The following ATP2A1 variants were observed in gnomAD, a reference collection of about 807,000 sequenced individuals.
ATP2A1 encodes sarcoplasmic/endoplasmic reticulum calcium ATPase 1.
In ATP2A1, 83 loss-of-function variants were observed where a neutral mutation model predicts 109.5. The observed-to-expected ratio is 0.76, with a 90% CI of 0.63 to 0.91. ATP2A1 has a LOEUF of 0.91. Ranked by LOEUF, ATP2A1 falls within the 40% of genes least tolerant of loss-of-function variation. The pLI, the probability that ATP2A1 is intolerant of heterozygous loss-of-function variation, is 0.00. For missense variants in ATP2A1, 1,101 were observed against 1,341.0 expected (o/e 0.82, Z 2.80); for synonymous variants, 505 against 537.6 (o/e 0.94, Z 0.84).
intron 12 of ATP2A1, among the ~76,000 whole-genome samples, chr16:28,895,516 C>G (rs1248896366): frequency 6.6e-6 from 1 of 151,936 alleles, no homozygotes; most frequent in Admixed American, 6.6e-5. Flanking sequence ...ATGCTCATTG[C>G]TACTTTATTT....
At chr16:28,886,693 T>A (rs891462281) in intron 6 of ATP2A1, among the ~76,000 whole-genome samples, 1 of 151,614 alleles carries the variant, frequency 6.6e-6, no homozygotes. Flanking sequence ...GAGGTCTTTT[T>A]AAGAGCCGTG....
chr16:28,879,942 G>A, intron 3 of ATP2A1: 3 of 974,816 alleles, frequency 3.1e-6, no homozygotes, highest in Non-Finnish European at 3.7e-6. Context: ...GGCATGCGCC[G>A]GGCGGACGGC....
At position 28,883,666 on chromosome 16, in the gene ATP2A1, C is replaced by A. The variant is rs1369175410; in HGVS notation, c.464-909C>A. ...GGCATCCACCTCTCCAGCCCCCCGA[C>A]AAGGTGGTTTCCATGGCCTGCCAGC... On this transcript the variant is annotated intron_variant, in intron 5 of 22. Coordinates refer to ENST00000395503, the MANE Select transcript of ATP2A1 (RefSeq NM_004320.6). The surrounding 1 kb of genome is among the most constrained non-coding windows in gnomAD (Gnocchi z 5.2). 1.3e-5 allele frequency among the ~76,000 whole-genome samples: 2 copies of A among 152,146 alleles called. No individual in the cohort carries two copies. The highest frequency in any genetic ancestry group is 1.3e-4 in the Admixed American group (2 of 15,276).
rs1192141978 is a variant in ATP2A1, at chr16:28,878,534, G to GA, written c.-133dup. The GA allele has an allele frequency of 2.5e-6, 2 of 811,964 alleles. No individual in the cohort carries two copies. The highest frequency in any genetic ancestry group is 3.4e-5 in the African/African-American group (2 of 58,876). 50.3% of individuals were successfully genotyped at this position (811,964 alleles called of 1,614,324 possible). Reference sequence around the variant, plus strand: ...GGGGGTCAGAGCTTTGTGGAGGGAAGAAAAACCTGGAGGGGGCAGGAGAGT... The same window carrying GA: ...GGGGGTCAGAGCTTTGTGGAGGGAAGAAAAAACCTGGAGGGGGCAGGAGAGT... On this transcript the variant is annotated 5_prime_UTR_variant, in exon 1 of 23. Coordinates refer to ENST00000395503, the MANE Select transcript of ATP2A1 (RefSeq NM_004320.6).
intron 14 of ATP2A1, among the ~76,000 whole-genome samples, chr16:28,900,285 G>C (rs749505775): frequency 6.6e-6 from 1 of 151,724 alleles, no homozygotes; most frequent in Non-Finnish European, 1.5e-5. Context: ...CTCCAGCCTG[G>C]GTGACAGAGC....
At position 28,902,301 on chromosome 16, in the gene ATP2A1, C is replaced by A. The variant is rs1183506613; in HGVS notation, c.2439C>A (p.Asp813Glu). 2 of 1,614,148 alleles carry A rather than the reference C, an allele frequency of 1.2e-6. No individual in the cohort carries two copies. The highest frequency in any genetic ancestry group is 1.1e-5 in the South Asian group (1 of 91,074). ...PATALGFNPP[D>E]LDIMDRPPRS... is the part of the protein sequence containing the mutation. ...CAGCCCTGGGCTTCAACCCACCAGA[C>A]CTGGACATCATGGACCGCCCCCCCC... Residue 813 changes from aspartate (D) to glutamate (E), a missense_variant, in exon 17 of 23, where the codon GAC becomes GAA. Asp to Glu is a conservative substitution (Grantham distance 45). Coordinates refer to ENST00000395503, the MANE Select transcript of ATP2A1 (RefSeq NM_004320.6). This position sits in a 1 kb window ranked among gnomAD's most constrained non-coding sequence, Gnocchi z 4.8.
chr16:28,894,329 TCTC>T (rs1643779439), intron 10 of ATP2A1, 86 bp downstream of exon 10: 9 of 1,424,936 alleles, frequency 6.3e-6, no homozygotes, highest in African/African-American at 1.4e-5. Context: ...GTGGTTTTGC[TCTC>T]CTTTCACTCT....
chr16:28,894,544 C>T lies in ATP2A1; in HGVS notation c.1224C>T (p.Asp408=), dbSNP rs143812356. Reference sequence around the variant, plus strand: ...AGCCAGTCCGGCCAGGGCAGTATGACGGGCTGGTGGAGCTGGCCACCATCT... The same window carrying T: ...AGCCAGTCCGGCCAGGGCAGTATGATGGGCTGGTGGAGCTGGCCACCATCT... ...NDKPVRPGQY[D]GLVELATICA... Residue 408 remains aspartate (D), a synonymous_variant, in exon 11 of 23, where the codon GAC becomes GAT. Coordinates refer to ENST00000395503, the MANE Select transcript of ATP2A1 (RefSeq NM_004320.6). The T allele has an allele frequency of 1.4e-5, 23 of 1,614,032 alleles. No individual in the cohort carries two copies. The highest frequency in any genetic ancestry group is 4.4e-5 in the South Asian group (4 of 91,088).
intron 9 of ATP2A1, among the ~76,000 whole-genome samples, chr16:28,892,978 A>G (rs1963815074): frequency 6.6e-6 from 1 of 151,632 alleles, no homozygotes; most frequent in African/African-American, 2.4e-5. Context: ...CAGGAGGCGG[A>G]GGTTGCAGTT....
rs1031985042 is a variant in ATP2A1, at chr16:28,894,962, G to GC, written c.1419+10dup. 1.2e-6 allele frequency: 2 copies of GC among 1,610,402 alleles called. No individual in the cohort carries two copies. Among genetic ancestry groups the GC allele is most frequent in the African/African-American group, 2.7e-5 (2 of 75,050 alleles). ...CCAACGCCTGCAACTCGGTGAGCCT[G>GC]CGGAGCCCCTGCCACAGGGCCGTCT... On this transcript the variant is annotated intron_variant, in intron 12 of 22. Coordinates refer to ENST00000395503, the MANE Select transcript of ATP2A1 (RefSeq NM_004320.6).
Position 28,898,521 on chromosome 16 carries a change from C to T in ATP2A1, c.1764+70C>T. On this transcript the variant is annotated intron_variant, in intron 14 of 22. Transcript: ENST00000395503. The surrounding 1 kb of genome is among the most constrained non-coding windows in gnomAD (Gnocchi z 4.0). ...CCGGGTCCCAGCCATCCACTCACAGCTCCACCACCCGGATCATTTCCTACC... is the reference window on the plus strand; with the variant it reads ...CCGGGTCCCAGCCATCCACTCACAGTTCCACCACCCGGATCATTTCCTACC... 1 of 1,497,076 alleles carries T rather than the reference C, an allele frequency of 6.7e-7. No homozygotes were observed. Among genetic ancestry groups the T allele is most frequent in the Non-Finnish European group, 9.1e-7 (1 of 1,095,158 alleles). 92.7% of individuals were successfully genotyped at this position (1,497,076 alleles called of 1,614,324 possible). A position where few individuals can be genotyped will look rare whatever the true frequency, so the allele number is the denominator to read the frequency against.
In ATP2A1 at chr16:28,898,368, T is replaced by A; in HGVS notation, c.1681T>A (p.Cys561Ser). ...EWGTGRDTLRCLALATRDTPP... is the reference protein window; with the variant it reads ...EWGTGRDTLRSLALATRDTPP... Reference sequence around the variant, plus strand: ...GGGCACTGGCCGGGACACCCTGCGCTGCTTGGCCCTGGCCACCCGGGACAC... The same window carrying A: ...GGGCACTGGCCGGGACACCCTGCGCAGCTTGGCCCTGGCCACCCGGGACAC... The change falls in exon 14 of 23, where the codon TGC becomes AGC. Residue 561 changes from cysteine to serine, a missense_variant. By Grantham distance (112) the Cys-to-Ser change is moderately radical. Coordinates refer to ENST00000395503, the MANE Select transcript of ATP2A1 (RefSeq NM_004320.6). The surrounding 1 kb of genome is among the most constrained non-coding windows in gnomAD (Gnocchi z 4.0). 2 of 1,614,174 alleles carry A rather than the reference T, an allele frequency of 1.2e-6. No homozygotes were observed. The highest frequency in any genetic ancestry group is 1.7e-6 in the Non-Finnish European group (2 of 1,180,022).
intron 9 of ATP2A1, among the ~76,000 whole-genome samples, chr16:28,889,345 C>T (rs1278337318): frequency 6.6e-6 from 1 of 152,092 alleles, no homozygotes; most frequent in East Asian, 1.9e-4. Context: ...CAACCTCTGC[C>T]TCCCGGGTTC....
intron 6 of ATP2A1, among the ~76,000 whole-genome samples, chr16:28,885,345 A>G (rs1230240087): frequency 6.6e-6 from 1 of 151,188 alleles, no homozygotes; most frequent in Non-Finnish European, 1.5e-5. Flanking sequence ...GCACTGCTTG[A>G]CATTTTCTTT....
intron 15 of ATP2A1, 50 bp downstream of exon 15, chr16:28,900,966 A>C: frequency 6.2e-7 from 1 of 1,608,356 alleles, no homozygotes; most frequent in Non-Finnish European, 8.5e-7. Flanking sequence ...AGATGACCAG[A>C]TGACTGTGCT....
rs1038707691 is a variant in ATP2A1 at position 28,880,084 on chromosome 16, C to T, written c.219+501C>T. ...GCGGTGTGATGATGACTCCAAGGAG[C>T]CCGGCGCCCGGTCAGGGAGGGCACT... On this transcript the variant is annotated intron_variant, in intron 3 of 22. Transcript: ENST00000395503. The surrounding 1 kb of genome is among the most constrained non-coding windows in gnomAD (Gnocchi z 4.2). 5.0e-6 allele frequency: 5 copies of T among 997,696 alleles called. No homozygotes were observed. The highest frequency in any genetic ancestry group is 4.8e-6 in the Non-Finnish European group (4 of 839,678). The allele number at this position is 997,696 out of a possible 1,614,324, so 61.8% of individuals were successfully genotyped here.
chr16:28,887,742 C>T lies in ATP2A1; in HGVS notation c.928+20C>T. On this transcript the variant is annotated intron_variant, in intron 8 of 22. Transcript: ENST00000395503. ...CCGAAGGTATGAAAGCCTTTCTTTTCTCCTCCCATTTGCTAATCCCATCTG... is the reference window on the plus strand; with the variant it reads ...CCGAAGGTATGAAAGCCTTTCTTTTTTCCTCCCATTTGCTAATCCCATCTG... The T allele has an allele frequency of 6.2e-7, 1 of 1,612,748 alleles. No individual in the cohort carries two copies. Among genetic ancestry groups the T allele is most frequent in the Non-Finnish European group, 8.5e-7 (1 of 1,179,474 alleles).
chr16:28,902,019 A>G lies in ATP2A1; in HGVS notation c.2257A>G (p.Ile753Val). The G allele has an allele frequency of 6.2e-7, 1 of 1,614,232 alleles. No individual in the cohort carries two copies. Among genetic ancestry groups the G allele is most frequent in the Non-Finnish European group, 8.5e-7 (1 of 1,180,040 alleles). ...AGCTGCTGTGGAGGAGGGCCGCGCC[A>G]TCTACAACAACATGAAGCAGTTCAT... ...IVAAVEEGRA[I>V]YNNMKQFIRY... Residue 753 changes from isoleucine to valine, a missense_variant, in exon 16 of 23, where the codon ATC (isoleucine) becomes GTC (valine). Transcript: ENST00000395503. The surrounding 1 kb of genome is among the most constrained non-coding windows in gnomAD (Gnocchi z 4.8).
chr16:28,887,547 G>A lies in ATP2A1; in HGVS notation c.753G>A (p.Gln251=). Residue 251 remains glutamine (Q), a synonymous_variant, in exon 8 of 23, where the codon CAG becomes CAA. Transcript: ENST00000395503. The part of the protein sequence containing the change: ...ATEQDKTPLQ[Q]KLDEFGEQLS... ...AACAGGACAAGACCCCCTTGCAGCA[G>A]AAGCTGGATGAGTTTGGGGAGCAGC... 1 of 1,614,026 alleles carries A rather than the reference G, an allele frequency of 6.2e-7. No individual in the cohort carries two copies. Among genetic ancestry groups the A allele is most frequent in the Non-Finnish European group, 8.5e-7 (1 of 1,180,012 alleles).
Sources: gnomAD v4.1 joint callset for allele counts (sites outside exome capture counted in the v4.1 genomes callset) on GRCh38, gnomAD v4.1.1 for gene constraint, Gnocchi (gnomAD v3.1) non-coding constraint, MANE v1.5 for transcripts, NCBI Gene and HGNC (gene_info 2026-07-23, HGNC 2026-07-21) for gene names.